Variants in NKAIN2 observed in about 807,000 individuals in gnomAD.
The protein encoded by NKAIN2 is sodium/potassium-transporting ATPase subunit beta-1-interacting protein 2.
Under a neutral mutation model 32.6 loss-of-function variants are expected in NKAIN2, and 14 were observed. That is an observed-to-expected ratio of 0.43 (90% CI 0.28 to 0.67). The LOEUF is 0.67. Ranked by LOEUF, NKAIN2 falls within the 30% of genes least tolerant of loss-of-function variation. NKAIN2 has a pLI of 0.17. For synonymous variants in NKAIN2, 80 were observed against 87.2 expected, an observed-to-expected ratio of 0.92 and a Z score of 0.46; for missense variants, 198 against 258.3, an observed-to-expected ratio of 0.77 and a Z score of 1.60.
intron 3 of NKAIN2, among the ~76,000 whole-genome samples, chr6:124,514,343 C>T (rs1389620950): frequency 6.6e-6 from 1 of 152,096 alleles, no homozygotes; most frequent in Non-Finnish European, 1.5e-5. Context: ...CTGGATTTCC[C>T]GCTGGGCTAT....
At chr6:124,349,176 CA>C (rs1798595547) in intron 2 of NKAIN2, among the ~76,000 whole-genome samples, 1 of 151,696 alleles carries the variant, frequency 6.6e-6, no homozygotes, top group Non-Finnish European at 1.5e-5. Flanking sequence ...TTATTGGGTG[CA>C]AAGGAAAAAA....
chr6:124,079,087 C>T (rs552032248), intron 1 of NKAIN2, among the ~76,000 whole-genome samples: 34 of 151,774 alleles, frequency 2.2e-4, no homozygotes, highest in Non-Finnish European at 4.0e-4. Flanking sequence ...TTTGGGAGGG[C>T]GAGGCAGGTG....
chr6:124,145,647 A>T (rs1411208275), intron 1 of NKAIN2, among the ~76,000 whole-genome samples: 1 of 152,168 alleles, frequency 6.6e-6, no homozygotes, highest in South Asian at 2.1e-4. Context: ...CTTGGACTAC[A>T]GGTGCCCGCC....
At chr6:124,667,399 CAT>C (rs1379239445) in intron 4 of NKAIN2, among the ~76,000 whole-genome samples, 2 of 151,956 alleles carry the variant, frequency 1.3e-5, no homozygotes, top group East Asian at 3.8e-4. Flanking sequence ...ATTTTATAAT[CAT>C]AAAATTATTT....
chr6:124,060,550 C>T (rs1219727802), intron 1 of NKAIN2, among the ~76,000 whole-genome samples: 1 of 152,134 alleles, frequency 6.6e-6, no homozygotes, highest in Non-Finnish European at 1.5e-5. Flanking sequence ...TTCAGCTTAA[C>T]TTCACAGTTT....
intron 1 of NKAIN2, among the ~76,000 whole-genome samples, chr6:123,811,216 G>A (rs1438953021): frequency 1.3e-5 from 2 of 152,044 alleles, no homozygotes; most frequent in Non-Finnish European, 2.9e-5. Context: ...CTGACTTTTA[G>A]CTTAGTTCTA....
intron 3 of NKAIN2, among the ~76,000 whole-genome samples, chr6:124,397,501 T>TAA (rs1773433085): frequency 6.6e-6 from 1 of 151,806 alleles, no homozygotes; most frequent in East Asian, 1.9e-4. Context: ...CCCTGCTTTA[T>TAA]TGATTGAGAT....
intron 3 of NKAIN2, among the ~76,000 whole-genome samples, chr6:124,481,607 G>A (rs772408998): frequency 3.9e-5 from 6 of 152,070 alleles, no homozygotes; most frequent in Non-Finnish European, 7.4e-5. Context: ...GAATTTAGAT[G>A]CAAAGTGTTT....
At chr6:124,344,786 A>T (rs1039870511) in intron 2 of NKAIN2, among the ~76,000 whole-genome samples, 11 of 152,312 alleles carry the variant, frequency 7.2e-5, no homozygotes, top group Admixed American at 2.0e-4. Context: ...AAACAGGGAC[A>T]ATTTGACTTC....
chr6:123,979,711 A>C (rs1778805729), intron 1 of NKAIN2, among the ~76,000 whole-genome samples: 1 of 152,194 alleles, frequency 6.6e-6, no homozygotes, highest in Admixed American at 6.5e-5. Context: ...TAATTGCCTC[A>C]TGCCTTTTAG....
intron 2 of NKAIN2, among the ~76,000 whole-genome samples, chr6:124,293,830 A>G (rs1476197385): frequency 6.6e-6 from 1 of 152,102 alleles, no homozygotes; most frequent in Non-Finnish European, 1.5e-5. Context: ...TAATATCAAA[A>G]CACCTCATTT....
chr6:123,958,284 C>G (rs1477113035), intron 1 of NKAIN2, among the ~76,000 whole-genome samples: 1 of 151,908 alleles, frequency 6.6e-6, no homozygotes, highest in Non-Finnish European at 1.5e-5. Context: ...GGAAAAGAAA[C>G]AGGTTTACCA....
At chr6:124,744,609 T>C (rs1777371772) in intron 4 of NKAIN2, among the ~76,000 whole-genome samples, 1 of 151,822 alleles carries the variant, frequency 6.6e-6, no homozygotes. Context: ...AGAAAGCTTA[T>C]AATCTAAAAT....
chr6:124,014,580 A>T (rs998296899), intron 1 of NKAIN2, among the ~76,000 whole-genome samples: 22 of 151,952 alleles, frequency 1.4e-4, no homozygotes, highest in Non-Finnish European at 3.2e-4. Context: ...ACTATCTAGG[A>T]GTCTATGCTT....
chr6:124,433,208 A>C (rs1434734730), intron 3 of NKAIN2, among the ~76,000 whole-genome samples: 1 of 152,150 alleles, frequency 6.6e-6, no homozygotes, highest in Non-Finnish European at 1.5e-5. Flanking sequence ...GGACTGGGCC[A>C]CTTTTTCCAC....
intron 1 of NKAIN2, among the ~76,000 whole-genome samples, chr6:124,021,080 A>G (rs1042133105): frequency 6.6e-6 from 1 of 152,058 alleles, no homozygotes; most frequent in Non-Finnish European, 1.5e-5. Context: ...TAAAAGCACA[A>G]TTCTTTGCCT....
intron 1 of NKAIN2, among the ~76,000 whole-genome samples, chr6:123,907,505 T>C (rs1365131064): frequency 6.6e-6 from 1 of 152,190 alleles, no homozygotes; most frequent in African/African-American, 2.4e-5. Flanking sequence ...CAGATTATTA[T>C]GTAAATATAT....
At chr6:124,398,803 A>T (rs1001101589) in intron 3 of NKAIN2, among the ~76,000 whole-genome samples, 27 of 152,216 alleles carry the variant, frequency 1.8e-4, no homozygotes, top group African/African-American at 6.5e-4. Flanking sequence ...AGAAAAACAA[A>T]TGCAATGAGC....
At chr6:124,077,147 C>A (rs1783731364) in intron 1 of NKAIN2, among the ~76,000 whole-genome samples, 1 of 152,184 alleles carries the variant, frequency 6.6e-6, no homozygotes, top group African/African-American at 2.4e-5. Context: ...TTCTGAGCAT[C>A]AGTTACTGTT....
Sources: allele counts gnomAD v4.1 joint callset (sites outside exome capture counted in the v4.1 genomes callset), GRCh38; gene constraint gnomAD v4.1.1; transcripts MANE v1.5; gene names NCBI Gene and HGNC (gene_info 2026-07-23, HGNC 2026-07-21).